Variants in CNTLN observed in about 807,000 individuals in gnomAD.
The protein encoded by CNTLN is centlein, also known as centlein, centrosomal protein.
Under a neutral mutation model 180.0 loss-of-function variants are expected in CNTLN, and 212 were observed. The ratio of observed to expected loss-of-function variants is 1.18; its 90% CI spans 1.05 to 1.32. The LOEUF (loss-of-function observed/expected upper bound fraction) is 1.32. CNTLN is among the 40% of genes most tolerant of loss of function. CNTLN has a pLI of 0.00. For missense variants in CNTLN, 2,095 were observed against 1,610.9 expected, an observed-to-expected ratio of 1.30 and a Z score of -5.14; for synonymous variants, 722 against 563.1, an observed-to-expected ratio of 1.28 and a Z score of -3.99.
At chr9:17,378,817 G>C (rs974131605) in intron 13 of CNTLN, among the ~76,000 whole-genome samples, 13 of 152,138 alleles carry the variant, frequency 8.5e-5, no homozygotes, top group African/African-American at 3.1e-4. Flanking sequence ...AACCAGGCCT[G>C]GTAGTTCTCA....
the CNTLN span, among the ~76,000 whole-genome samples, chr9:17,522,226 T>C: frequency 5.3e-5 from 8 of 152,184 alleles, no homozygotes; most frequent in Non-Finnish European, 1.0e-4. Flanking sequence ...AAATGCTAAA[T>C]AAATGTCAGT....
At chr9:17,440,498 A>G (rs1019818575) in intron 18 of CNTLN, among the ~76,000 whole-genome samples, 117 of 151,144 alleles carry the variant, frequency 7.7e-4, no homozygotes, top group Middle Eastern at 3.4e-3. Flanking sequence ...CTGAGGCAGG[A>G]GAATGGCGTG....
Position 17,416,951 on chromosome 9 carries a change from T to G in CNTLN, c.3114+762T>G, listed in dbSNP as rs182698802. 2.0e-5 allele frequency among the ~76,000 whole-genome samples: 3 copies of G among 152,328 alleles called. No individual in the cohort carries two copies. In the East Asian group the frequency reaches 5.8e-4, roughly 29 times the overall value. ...ATAATTTTAAGTTACACTTAAATTC[T>G]CTAATTCTAGTATCTAGTGCTTTGA... On this transcript the variant is annotated intron_variant, in intron 18 of 25. Transcript: ENST00000380647.
rs77834214 is a variant in CNTLN, at chr9:17,439,222, C to G, written c.3115-18302C>G. 1.4e-4 allele frequency among the ~76,000 whole-genome samples: 22 copies of G among 152,128 alleles called. 1 individual carries two copies. The East Asian group carries it at 4.3e-3, about 29-fold the overall frequency. ...ATAATATCAGTACTTTTAAGTAATG[C>G]TGATAAAAAGTCATTAAAGATATAC... On this transcript the variant is annotated intron_variant, in intron 18 of 25. Transcript: ENST00000380647.
At chr9:17,383,786 T>G (rs1340198169) in intron 13 of CNTLN, among the ~76,000 whole-genome samples, 1 of 151,760 alleles carries the variant, frequency 6.6e-6, no homozygotes, top group Non-Finnish European at 1.5e-5. Context: ...TACAGGCGCC[T>G]GCCACCATGC....
At chr9:17,521,787 G>A in the CNTLN span, among the ~76,000 whole-genome samples, 42 of 152,280 alleles carry the variant, frequency 2.8e-4, no homozygotes, top group African/African-American at 9.6e-4. Flanking sequence ...AGGACAAAAT[G>A]CATTTCAGAG....
chr9:17,289,833 T>G (rs1294492890), intron 6 of CNTLN, among the ~76,000 whole-genome samples: 1 of 138,496 alleles, frequency 7.2e-6, no homozygotes, highest in Admixed American at 7.1e-5. Flanking sequence ...GTTCACCTAG[T>G]TCTCGAGCCT....
chr9:17,392,070 C>T (rs1826156116), intron 14 of CNTLN, among the ~76,000 whole-genome samples: 1 of 151,942 alleles, frequency 6.6e-6, no homozygotes, highest in Non-Finnish European at 1.5e-5. Context: ...AAAATGTGGA[C>T]CAATCAAGGC....
In CNTLN at chr9:17,409,306, G is replaced by T; in HGVS notation, c.2629G>T (p.Ala877Ser). ...TTTTCTAAAAAGCAGTGATTCTGAAGCACAGACCTCTCAAACTTTGGGAAC... is the reference window on the plus strand; with the variant it reads ...TTTTCTAAAAAGCAGTGATTCTGAATCACAGACCTCTCAAACTTTGGGAAC... ...DVSESSSDSEAQTSQTLGTII... is the reference protein window; with the variant it reads ...DVSESSSDSESQTSQTLGTII... The change falls in exon 16 of 26, where the codon GCA (alanine) becomes TCA (serine). Residue 877 changes from alanine to serine, a missense_variant. Coordinates refer to ENST00000380647, the MANE Select transcript of CNTLN (RefSeq NM_017738.4). The T allele has an allele frequency of 6.2e-7, 1 of 1,612,204 alleles. No homozygotes were observed. The highest frequency in any genetic ancestry group is 8.5e-7 in the Non-Finnish European group (1 of 1,179,362).
intron 8 of CNTLN, among the ~76,000 whole-genome samples, chr9:17,325,579 A>G (rs895235374): frequency 2.3e-5 from 3 of 129,386 alleles, no homozygotes; most frequent in African/African-American, 8.0e-5. Flanking sequence ...ACACACACGC[A>G]CACACACACT....
chr9:17,290,422 C>A (rs1345281949), intron 6 of CNTLN, among the ~76,000 whole-genome samples: 1 of 149,246 alleles, frequency 6.7e-6, no homozygotes, highest in African/African-American at 2.5e-5. Context: ...AGCTGTCAGA[C>A]AGGGACACTT....
At chr9:17,461,272 A>T (rs1014789174) in intron 19 of CNTLN, among the ~76,000 whole-genome samples, 1 of 151,648 alleles carries the variant, frequency 6.6e-6, no homozygotes, top group Non-Finnish European at 1.5e-5. Context: ...CAGAGAAAGA[A>T]TTGAAAATTA....
chr9:17,303,319 A>C (rs1818496093), intron 7 of CNTLN, among the ~76,000 whole-genome samples: 1 of 152,180 alleles, frequency 6.6e-6, no homozygotes, highest in Admixed American at 6.5e-5. Flanking sequence ...AACACTTAAT[A>C]ATTTCTAATG....
At chr9:17,386,021 A>G (rs1329437719) in intron 13 of CNTLN, among the ~76,000 whole-genome samples, 3 of 152,186 alleles carry the variant, frequency 2.0e-5, no homozygotes, top group Non-Finnish European at 4.4e-5. Context: ...TTGCCCATAC[A>G]ATAAGTTGAT....
the CNTLN span, among the ~76,000 whole-genome samples, chr9:17,526,844 ATC>A: frequency 2.0e-5 from 3 of 151,194 alleles, no homozygotes; most frequent in Admixed American, 6.6e-5. Context: ...AAGTCACCTA[ATC>A]TCTCTTTTTT....
chr9:17,319,104 AC>A (rs1819735280), intron 8 of CNTLN, among the ~76,000 whole-genome samples: 2 of 152,364 alleles, frequency 1.3e-5, no homozygotes, highest in African/African-American at 4.8e-5. Flanking sequence ...GGAAGGGATT[AC>A]CAAAGCTTTC....
chr9:17,472,562 C>G (rs1247996410), intron 23 of CNTLN, among the ~76,000 whole-genome samples: 2 of 152,042 alleles, frequency 1.3e-5, no homozygotes, highest in African/African-American at 4.8e-5. Context: ...TGGTTCTCAA[C>G]TTTGGATCAC....
chr9:17,482,640 C>T (rs904396250), intron 23 of CNTLN, among the ~76,000 whole-genome samples: 1 of 152,070 alleles, frequency 6.6e-6, no homozygotes, highest in Non-Finnish European at 1.5e-5. Flanking sequence ...GCAAGAACAG[C>T]AAGAAAAATC....
At chr9:17,186,865 T>C (rs1821464042) in intron 2 of CNTLN, among the ~76,000 whole-genome samples, 2 of 152,240 alleles carry the variant, frequency 1.3e-5, no homozygotes, top group Middle Eastern at 3.4e-3. Context: ...CTACATTTTA[T>C]GCCCTTCCAG....
Sources: allele counts gnomAD v4.1 joint callset (sites outside exome capture counted in the v4.1 genomes callset), GRCh38; gene constraint gnomAD v4.1.1; transcripts MANE v1.5; gene names NCBI Gene and HGNC (gene_info 2026-07-23, HGNC 2026-07-21).